The following RPGRIP1 variants were observed in gnomAD, a reference collection of about 807,000 sequenced individuals.
The protein encoded by RPGRIP1 is X-linked retinitis pigmentosa GTPase regulator-interacting protein 1.
In RPGRIP1, 128 loss-of-function variants were observed where a neutral mutation model predicts 157.9. The observed-to-expected ratio is 0.81, with a 90% CI of 0.70 to 0.94. RPGRIP1 has a LOEUF of 0.94. RPGRIP1 is among the 40% of genes least tolerant of loss of function. The pLI is 0.00. For missense variants in RPGRIP1, 1,486 were observed against 1,545.8 expected, an observed-to-expected ratio of 0.96 and a Z score of 0.65; for synonymous variants, 554 against 571.6, an observed-to-expected ratio of 0.97 and a Z score of 0.44.
At position 21,322,005 on chromosome 14, in the gene RPGRIP1, G is replaced by T. The variant is rs768538334; in HGVS notation, c.1762+1G>T. The T allele has an allele frequency of 6.2e-7, 1 of 1,611,662 alleles. No individual in the cohort carries two copies. The highest frequency in any genetic ancestry group is 8.5e-7 in the Non-Finnish European group (1 of 1,178,982). On this transcript the variant is annotated splice_donor_variant, in intron 14 of 24. Coordinates refer to ENST00000400017, the MANE Select transcript of RPGRIP1 (RefSeq NM_020366.4). LOFTEE classifies it high-confidence loss of function. ...AGAAGCCATGACCTTCCAACATCTG[G>T]CAAGTCTTAGTCCTTTGTTCTCCTC...
intron 1 of RPGRIP1, among the ~76,000 whole-genome samples, chr14:21,283,468 A>G (rs1880201312): frequency 6.6e-6 from 1 of 151,580 alleles, no homozygotes; most frequent in Admixed American, 6.6e-5. Flanking sequence ...ACACCCAGCT[A>G]ATTTTTGTAT....
chr14:21,305,568 C>T (rs1048802039), intron 6 of RPGRIP1, among the ~76,000 whole-genome samples: 1 of 151,568 alleles, frequency 6.6e-6, no homozygotes, highest in Admixed American at 6.6e-5. Context: ...TATTTTAAAA[C>T]CACAGATCCA....
intron 1 of RPGRIP1, among the ~76,000 whole-genome samples, chr14:21,282,079 T>C (rs1296563940): frequency 6.6e-6 from 1 of 151,698 alleles, no homozygotes; most frequent in Non-Finnish European, 1.5e-5. Flanking sequence ...CAGGCAACAA[T>C]GTGATACTCT....
chr14:21,345,756 C>CT (rs1262222770), intron 23 of RPGRIP1, among the ~76,000 whole-genome samples: 1 of 151,938 alleles, frequency 6.6e-6, no homozygotes, highest in Non-Finnish European at 1.5e-5. Context: ...CTGATGGGCC[C>CT]TTTTTTTGTA....
rs763966441 is a variant in RPGRIP1, at chr14:21,324,877, C to G, written c.2022C>G (p.Pro674=). 1 of 1,614,046 alleles carries G rather than the reference C, an allele frequency of 6.2e-7. No individual in the cohort carries two copies. The highest frequency in any genetic ancestry group is 8.5e-7 in the Non-Finnish European group (1 of 1,179,888). ...CCCCATTATCTGTGGGGCCACAGCC[C>G]CTCTATGACTTCACCTCCCAGTATG... The part of the protein sequence containing the change: ...HCTPLSVGPQ[P]LYDFTSQYVM... Residue 674 remains proline, a synonymous_variant, in exon 15 of 25, where the codon CCC becomes CCG. Transcript: ENST00000400017.
intron 12 of RPGRIP1, among the ~76,000 whole-genome samples, chr14:21,321,023 A>C (rs1882401939): frequency 6.6e-6 from 1 of 152,230 alleles, no homozygotes; most frequent in African/African-American, 2.4e-5. Context: ...GGACTTGAAA[A>C]GATCTGTGGA....
Position 21,327,682 on chromosome 14 carries a change from G to C in RPGRIP1, c.2770G>C (p.Asp924His). 6.2e-7 allele frequency: 1 copy of C among 1,613,970 alleles called. No homozygotes were observed. The highest frequency in any genetic ancestry group is 8.5e-7 in the Non-Finnish European group (1 of 1,179,866). ...CAACGGATCTATTCAAGTGCAACTG[G>C]ATTGGAAGTTTCCCTACATACCCCC... ...KPNGSIQVQL[D>H]WKFPYIPPES... Residue 924 changes from aspartate to histidine, a missense_variant, in exon 18 of 25, where the codon GAT becomes CAT. Transcript: ENST00000400017.
Position 21,326,144 on chromosome 14 carries a change from T to C in RPGRIP1, c.2681T>C (p.Leu894Pro). Residue 894 changes from leucine to proline, a missense_variant, in exon 17 of 25, where the codon CTG (leucine) becomes CCG (proline). Coordinates refer to ENST00000400017, the MANE Select transcript of RPGRIP1 (RefSeq NM_020366.4). ...SYLGRARVPL[L>P]PLAKNESIKG... ...CTTGGCCGAGCCCGAGTGCCTTTAC[T>C]GCCTCTTGCAAAAAATGAATCTATC... The C allele has an allele frequency of 6.3e-7, 1 of 1,581,230 alleles. No homozygotes were observed.
chr14:21,286,233 C>T (rs1481262009), intron 1 of RPGRIP1, among the ~76,000 whole-genome samples: 3 of 151,866 alleles, frequency 2.0e-5, no homozygotes, highest in South Asian at 2.1e-4. Context: ...TCGGGCGATC[C>T]GCCCGCCTCA....
chr14:21,318,047 GTA>G, intron 11 of RPGRIP1, 197 bp downstream of exon 11: 1 of 699,702 alleles, frequency 1.4e-6, no homozygotes, highest in South Asian at 1.5e-5. Context: ...TACCTCTCAT[GTA>G]TACTTTTTCC....
chr14:21,341,322 C>T (rs1425339017), intron 21 of RPGRIP1, among the ~76,000 whole-genome samples: 1 of 152,176 alleles, frequency 6.6e-6, no homozygotes, highest in East Asian at 1.9e-4. Context: ...TGAGCCTCTG[C>T]ACCCCGCCAA....
intron 6 of RPGRIP1, among the ~76,000 whole-genome samples, chr14:21,307,296 T>G (rs1213227241): frequency 6.6e-6 from 1 of 151,858 alleles, no homozygotes; most frequent in Non-Finnish European, 1.5e-5. Context: ...TCAGGCCATC[T>G]GCCCGCCTCA....
chr14:21,333,959 G>A (rs1320571349), intron 20 of RPGRIP1, among the ~76,000 whole-genome samples: 2 of 130,420 alleles, frequency 1.5e-5, no homozygotes, highest in Non-Finnish European at 1.6e-5. Flanking sequence ...AGAGTCTCTT[G>A]TCGCCCAGGC....
At chr14:21,293,210 G>T (rs1017166762) in intron 2 of RPGRIP1, among the ~76,000 whole-genome samples, 17 of 152,164 alleles carry the variant, frequency 1.1e-4, no homozygotes, top group African/African-American at 4.1e-4. Flanking sequence ...TGAGATCAGA[G>T]CAGACCTGGG....
Position 21,321,309 on chromosome 14 carries a change from T to C in RPGRIP1, c.1518T>C (p.Asn506=), listed in dbSNP as rs757821677. The change falls in exon 13 of 25, where the codon AAT becomes AAC. Residue 506 remains asparagine, a synonymous_variant. Coordinates refer to ENST00000400017, the MANE Select transcript of RPGRIP1 (RefSeq NM_020366.4). ...QEEKKLSQVL[N]ELQVSHAETT... ...AAAAGAAACTGTCCCAGGTGCTAAA[T>C]GAGTTGCAAGTATCACACGCAGAGA... 164 of 1,613,802 alleles carry C rather than the reference T, an allele frequency of 1.0e-4. 2 individuals carry two copies. The highest frequency in any genetic ancestry group is 1.2e-4 in the Non-Finnish European group (139 of 1,179,840).
intron 1 of RPGRIP1, among the ~76,000 whole-genome samples, chr14:21,282,605 A>ATTT (rs35939351): frequency 6.5e-4 from 67 of 103,238 alleles, no homozygotes; most frequent in African/African-American, 1.8e-3. Context: ...TCTACATTCC[A>ATTT]TTTTTTTTTT....
chr14:21,303,642 T>A (rs1307704151), intron 6 of RPGRIP1, 99 bp downstream of exon 6: 2 of 922,824 alleles, frequency 2.2e-6, no homozygotes, highest in Non-Finnish European at 3.3e-6. Flanking sequence ...AAAGAGTGTT[T>A]GGGATTAAAT....
In RPGRIP1 at chr14:21,294,728, TGGA is replaced by T; in HGVS notation, c.141_143del (p.Glu47del). The T allele has an allele frequency of 6.2e-7, 1 of 1,613,404 alleles. No homozygotes were observed. The highest frequency in any genetic ancestry group is 1.3e-5 in the African/African-American group (1 of 74,954). On this transcript the variant is annotated inframe_deletion, in exon 3 of 25. Coordinates refer to ENST00000400017, the MANE Select transcript of RPGRIP1 (RefSeq NM_020366.4). Reference sequence around the variant, plus strand: ...TTGAGCAGGATGAACCGGGAGGAATTGGAGGACAGTTTCTTTCGACTTCGCGAA... The same window carrying T: ...TTGAGCAGGATGAACCGGGAGGAATTGGACAGTTTCTTTCGACTTCGCGAA...
At position 21,281,688 on chromosome 14, in the gene RPGRIP1, C is replaced by CAAA. The variant is rs1282350183; in HGVS notation, c.-39+1541_-39+1543dup. Among the ~76,000 whole-genome samples the CAAA allele has an allele frequency of 2.8e-3, 219 of 79,200 alleles. 1 individual carries two copies. Among genetic ancestry groups the CAAA allele is most frequent in the African/African-American group, 7.6e-3 (142 of 18,800 alleles). The allele number at this position is 79,200 out of a possible 152,430, so 52.0% of individuals were successfully genotyped here. A position where few individuals can be genotyped will look rare whatever the true frequency, so the allele number is the denominator to read the frequency against. On this transcript the variant is annotated intron_variant, in intron 1 of 24. Coordinates refer to ENST00000400017, the MANE Select transcript of RPGRIP1 (RefSeq NM_020366.4). ...TGGGCAACAGAGTGAGACCTTGTCT[C>CAAA]AAAAAAAAAAAAAATAAATAATAAT...
Sources: gnomAD v4.1 joint callset for allele counts (sites outside exome capture counted in the v4.1 genomes callset) on GRCh38, gnomAD v4.1.1 for gene constraint, MANE v1.5 for transcripts, NCBI Gene and HGNC (gene_info 2026-07-23, HGNC 2026-07-21) for gene names.